The following NME7 variants were observed in gnomAD, a reference collection of about 807,000 sequenced individuals.
The protein encoded by NME7 is NME/NM23 family member 7, also known as nucleoside diphosphate kinase 7.
Under a neutral mutation model 49.1 loss-of-function variants are expected in NME7, and 41 were observed. The ratio of observed to expected loss-of-function variants is 0.83; its 90% CI spans 0.65 to 1.08. The LOEUF (loss-of-function observed/expected upper bound fraction) is 1.08. Among genes scored for constraint, NME7 ranks in the 50% least tolerant of loss-of-function variants. NME7 has a pLI of 0.00. For missense variants in NME7, 423 were observed against 463.4 expected, an observed-to-expected ratio of 0.91 and a Z score of 0.80; for synonymous variants, 139 against 150.6, an observed-to-expected ratio of 0.92 and a Z score of 0.56.
chr1:169,227,508 A>G (rs778737714), intron 10 of NME7, among the ~76,000 whole-genome samples: 28 of 152,198 alleles, frequency 1.8e-4, no homozygotes, highest in Non-Finnish European at 3.1e-4. Flanking sequence ...TTTAAAAGTT[A>G]TTTCTGTAAG....
At chr1:169,345,836 C>A (rs1175227594) in intron 1 of NME7, among the ~76,000 whole-genome samples, 1 of 152,028 alleles carries the variant, frequency 6.6e-6, no homozygotes, top group African/African-American at 2.4e-5. Flanking sequence ...TTTAACAAGC[C>A]CCAAGTTGAA....
chr1:169,255,891 C>T (rs1305217256), intron 7 of NME7, among the ~76,000 whole-genome samples: 2 of 132,534 alleles, frequency 1.5e-5, no homozygotes, highest in African/African-American at 5.1e-5. Flanking sequence ...GAATATTGGC[C>T]CCCACTCTCT....
rs183643229 is a variant in NME7 at position 169,209,586 on chromosome 1, G to A, written c.990+21132C>T. 1.2e-4 allele frequency among the ~76,000 whole-genome samples: 18 copies of A among 152,114 alleles called. No individual in the cohort carries two copies. The East Asian group carries it at 1.9e-3, about 16-fold the overall frequency. ...CCCAAGGTCCCATTATTTCTAGTCC[G>A]ATTTCCTTTATTTTCCTCCAACAAA... On this transcript the variant is annotated intron_variant, in intron 10 of 11. Coordinates refer to ENST00000367811, the MANE Select transcript of NME7 (RefSeq NM_013330.5).
chr1:169,360,468 T>A (rs1653615190), intron 1 of NME7, among the ~76,000 whole-genome samples: 1 of 152,236 alleles, frequency 6.6e-6, no homozygotes, highest in Non-Finnish European at 1.5e-5. Context: ...ATAATACTAC[T>A]GCATTTAGAA....
At chr1:169,193,635 C>T (rs1482384680) in intron 10 of NME7, among the ~76,000 whole-genome samples, 1 of 152,152 alleles carries the variant, frequency 6.6e-6, no homozygotes, top group African/African-American at 2.4e-5. Context: ...GAGATAAGGC[C>T]TGGCACATGT....
intron 1 of NME7, among the ~76,000 whole-genome samples, chr1:169,326,008 TTAG>T (rs1218406764): frequency 6.6e-6 from 1 of 151,966 alleles, no homozygotes; most frequent in African/African-American, 2.4e-5. Flanking sequence ...AATTTAAATA[TTAG>T]TAGATTATTA....
At chr1:169,201,732 G>T (rs541424568) in intron 10 of NME7, among the ~76,000 whole-genome samples, 2 of 152,268 alleles carry the variant, frequency 1.3e-5, no homozygotes, top group African/African-American at 4.8e-5. Flanking sequence ...GGATCTGCTT[G>T]CCTGTAGGAT....
intron 4 of NME7, among the ~76,000 whole-genome samples, chr1:169,303,897 T>C (rs1651072615): frequency 6.6e-6 from 1 of 152,228 alleles, no homozygotes; most frequent in South Asian, 2.1e-4. Context: ...GTCATTTTTT[T>C]CCACAGGCTT....
At chr1:169,316,034 G>A (rs531978215) in intron 3 of NME7, among the ~76,000 whole-genome samples, 13 of 151,962 alleles carry the variant, frequency 8.6e-5, no homozygotes, top group South Asian at 8.3e-4. Context: ...AATAAAAAAC[G>A]TGCAGATTAA....
In NME7 at chr1:169,161,934, G is replaced by A. The variant is rs780845916; in HGVS notation, c.1098+7513C>T. On this transcript the variant is annotated intron_variant, in intron 11 of 11. Coordinates refer to ENST00000367811, the MANE Select transcript of NME7 (RefSeq NM_013330.5). ...TGATCCCATAGGTAACATCACTATCGTAAAACCTAAGATTGGTCTTTTGAG... is the reference window on the plus strand; with the variant it reads ...TGATCCCATAGGTAACATCACTATCATAAAACCTAAGATTGGTCTTTTGAG... 4.0e-5 allele frequency among the ~76,000 whole-genome samples: 6 copies of A among 151,058 alleles called. No homozygotes were observed. In the East Asian group the frequency reaches 1.0e-3, roughly 25 times the overall value.
intron 11 of NME7, among the ~76,000 whole-genome samples, chr1:169,144,798 G>A (rs1658703072): frequency 1.3e-5 from 2 of 152,100 alleles, no homozygotes; most frequent in African/African-American, 4.8e-5. Flanking sequence ...AGCTGAAGCA[G>A]GAGGATTGCT....
intron 10 of NME7, among the ~76,000 whole-genome samples, chr1:169,180,980 C>G (rs1336404957): frequency 1.3e-5 from 2 of 152,128 alleles, no homozygotes; most frequent in East Asian, 3.9e-4. Context: ...GGTTTAACTT[C>G]TGAGCAACAT....
chr1:169,279,429 G>T (rs1028050867), intron 7 of NME7, among the ~76,000 whole-genome samples: 1 of 152,218 alleles, frequency 6.6e-6, no homozygotes, highest in African/African-American at 2.4e-5. Flanking sequence ...CCAACTTGCA[G>T]TTTGATCTCA....
rs374614839 is a variant in NME7, at chr1:169,298,776, T to G, written c.441-13A>C. ...CTGGATCAGCTCACTACAAAACAGA[T>G]AGAAGATTAGTTTGCTTCTTTTTTC... On this transcript the variant is annotated splice_polypyrimidine_tract_variant and intron_variant, in intron 5 of 11. Coordinates refer to ENST00000367811, the MANE Select transcript of NME7 (RefSeq NM_013330.5). 3.7e-6 allele frequency: 6 copies of G among 1,606,646 alleles called. No individual in the cohort carries two copies. The highest frequency in any genetic ancestry group is 5.1e-6 in the Non-Finnish European group (6 of 1,174,812).
chr1:169,352,210 C>T (rs947487963), intron 1 of NME7, among the ~76,000 whole-genome samples: 3 of 151,880 alleles, frequency 2.0e-5, no homozygotes, highest in African/African-American at 4.8e-5. Flanking sequence ...TTCAGTAACA[C>T]GTTAAAAATA....
intron 11 of NME7, among the ~76,000 whole-genome samples, chr1:169,133,399 C>T (rs2101799847): frequency 6.6e-6 from 1 of 152,346 alleles, no homozygotes; most frequent in South Asian, 2.1e-4. Flanking sequence ...TCACACACAT[C>T]CTTGACGTGG....
At chr1:169,156,644 A>G (rs1352863844) in intron 11 of NME7, among the ~76,000 whole-genome samples, 2 of 152,220 alleles carry the variant, frequency 1.3e-5, no homozygotes, top group African/African-American at 4.8e-5. Flanking sequence ...TACTTTTCAG[A>G]TTCAGAAGGC....
At chr1:169,339,720 C>T (rs1358425150) in intron 1 of NME7, among the ~76,000 whole-genome samples, 1 of 152,226 alleles carries the variant, frequency 6.6e-6, no homozygotes, top group Non-Finnish European at 1.5e-5. Context: ...CTCTGCTCTT[C>T]TCCATCCTGT....
chr1:169,259,603 C>T (rs1434872598), intron 7 of NME7, among the ~76,000 whole-genome samples: 1 of 133,820 alleles, frequency 7.5e-6, no homozygotes, highest in Non-Finnish European at 1.8e-5. Flanking sequence ...TAAAACTTAG[C>T]ATTTCCCACC....
Sources: allele counts gnomAD v4.1 joint callset (sites outside exome capture counted in the v4.1 genomes callset), GRCh38; gene constraint gnomAD v4.1.1; transcripts MANE v1.5; gene names NCBI Gene and HGNC (gene_info 2026-07-23, HGNC 2026-07-21).